The following PLEK variants were observed in gnomAD, a reference collection of about 807,000 sequenced individuals.
PLEK encodes platelet 47 kDa protein.
PLEK carries 25 observed loss-of-function variants against 43.9 expected under a neutral mutation model. The ratio of observed to expected loss-of-function variants is 0.57; its 90% CI spans 0.41 to 0.79. The LOEUF (loss-of-function observed/expected upper bound fraction) is 0.79. PLEK is among the 30% of genes least tolerant of loss of function. The probability of loss-of-function intolerance (pLI) is 0.00; values close to 1 mark genes in which losing one functional copy is unlikely to be tolerated. For missense variants in PLEK, 396 were observed against 413.3 expected (o/e 0.96, Z 0.36); for synonymous variants, 152 against 144.4 (o/e 1.05, Z -0.38).
Position 68,394,405 on chromosome 2 carries a change from C to T in PLEK, c.916+229C>T, listed in dbSNP as rs1056869394. Among the ~76,000 whole-genome samples, 16 of 152,158 alleles carry T rather than the reference C, an allele frequency of 1.1e-4. 1 individual carries two copies. The highest frequency in any genetic ancestry group is 4.4e-5 in the Non-Finnish European group (3 of 68,034). ...TGGCTAACGTGGTGAAACCCCATCT[C>T]TACTAAAAATACAAAAATTAGCTGG... On this transcript the variant is annotated intron_variant, in intron 8 of 8. Transcript: ENST00000234313.
At chr2:68,391,164 T>C (rs1205634439) in intron 6 of PLEK, among the ~76,000 whole-genome samples, 1 of 152,196 alleles carries the variant, frequency 6.6e-6, no homozygotes, top group Non-Finnish European at 1.5e-5. Context: ...TAGAAAATGC[T>C]CATTAAGTGA....
chr2:68,391,950 A>T (rs11895938), intron 6 of PLEK, among the ~76,000 whole-genome samples: 8 of 152,134 alleles, frequency 5.3e-5, no homozygotes, highest in Admixed American at 2.0e-4. Context: ...GGTAACTCAC[A>T]GCAAGTACAA....
At chr2:68,393,131 T>C (rs766186560) in intron 6 of PLEK, 31 bp from the exon 7 acceptor site, 75 of 1,290,554 alleles carry the variant, frequency 5.8e-5, no homozygotes, top group Non-Finnish European at 2.6e-5. Flanking sequence ...GAATTCACCA[T>C]CCCTTCTTTT....
chr2:68,381,101 G>A (rs878966970), intron 3 of PLEK, among the ~76,000 whole-genome samples, 197 bp downstream of exon 3: 5 of 151,424 alleles, frequency 3.3e-5, no homozygotes, highest in South Asian at 2.1e-4. Flanking sequence ...GAGAGGAGGC[G>A]AATGGAGTAC....
Position 68,380,492 on chromosome 2 carries a change from A to C in PLEK, c.198+9A>C. On this transcript the variant is annotated intron_variant, in intron 2 of 8. Transcript: ENST00000234313. ...ACTTTGGCAAAAGGATGGTAAGTTG[A>C]CATCATGAGCTGCCGTGAACCCCTG... 6.2e-7 allele frequency: 1 copy of C among 1,612,556 alleles called. No individual in the cohort carries two copies. The highest frequency in any genetic ancestry group is 1.1e-5 in the South Asian group (1 of 90,944).
rs1211019677 is a variant in PLEK, at chr2:68,382,632, A to G, written c.471A>G (p.Thr157=). The change falls in exon 4 of 9, where the codon ACA becomes ACG. Residue 157 remains threonine (T), a splice_region_variant and synonymous_variant. Transcript: ENST00000234313. ...AGAAGATTTTTAATCACTGCTTCACAGGTAAAAGCACTTGCAGGCCTGAAA... is the reference window on the plus strand; with the variant it reads ...AGAAGATTTTTAATCACTGCTTCACGGGTAAAAGCACTTGCAGGCCTGAAA... ...KDKKIFNHCF[T]GNCVIDWLVS... The G allele has an allele frequency of 6.4e-6, 10 of 1,563,610 alleles. No homozygotes were observed. The highest frequency in any genetic ancestry group is 7.9e-6 in the Non-Finnish European group (9 of 1,134,626).
In PLEK at chr2:68,382,664, G is replaced by T. The variant is rs778135181; in HGVS notation, c.472+31G>T. ...AGCACTTGCAGGCCTGAAATAGGGC[G>T]ACTGGGAAGGCGATATGGAGTCCTC... On this transcript the variant is annotated intron_variant, in intron 4 of 8. Coordinates refer to ENST00000234313, the MANE Select transcript of PLEK (RefSeq NM_002664.3). 63 of 1,241,398 alleles carry T rather than the reference G, an allele frequency of 5.1e-5. 1 individual carries two copies. Among genetic ancestry groups the T allele is most frequent in the Non-Finnish European group, 5.9e-6 (5 of 841,786 alleles). The allele number at this position is 1,241,398 out of a possible 1,614,324, so 76.9% of individuals were successfully genotyped here. A position where few individuals can be genotyped will look rare whatever the true frequency, so the allele number is the denominator to read the frequency against.
At chr2:68,378,869 C>A (rs1266036649) in intron 1 of PLEK, among the ~76,000 whole-genome samples, 7 of 152,138 alleles carry the variant, frequency 4.6e-5, no homozygotes, top group Non-Finnish European at 1.0e-4. Flanking sequence ...ATGGCTCACA[C>A]CTGTAATCCC....
At chr2:68,369,710 T>C (rs1226660541) in intron 1 of PLEK, among the ~76,000 whole-genome samples, 1 of 152,210 alleles carries the variant, frequency 6.6e-6, no homozygotes, top group East Asian at 1.9e-4. Flanking sequence ...CTTTGTTACC[T>C]TCATTTTACA....
chr2:68,377,489 T>C (rs572741472), intron 1 of PLEK, among the ~76,000 whole-genome samples: 11 of 152,348 alleles, frequency 7.2e-5, no homozygotes, highest in African/African-American at 2.4e-4. Context: ...GTTATCTCAT[T>C]GTAGTTTTGA....
chr2:68,381,197 A>C (rs544010543), intron 3 of PLEK, among the ~76,000 whole-genome samples: 2 of 152,174 alleles, frequency 1.3e-5, no homozygotes, highest in African/African-American at 2.4e-5. Context: ...TAGCCATAAT[A>C]AGTCAGTCTT....
rs1449699488 is a variant in PLEK at position 68,388,403 on chromosome 2, T to A, written c.674T>A (p.Phe225Tyr). Residue 225 changes from phenylalanine to tyrosine, a missense_variant, in exon 6 of 9, where the codon TTC (phenylalanine) becomes TAC (tyrosine). Physicochemically the swap from Phe to Tyr is conservative, Grantham distance 22. Transcript: ENST00000234313. ...AFYYFPDSGF[F>Y]CEENSSDDDV... ...TTCCAACAGCCAGACAGTGGGTTCT[T>A]CTGTGAAGAGAATTCCAGTGATGAT... The A allele has an allele frequency of 4.4e-6, 7 of 1,607,678 alleles. No individual in the cohort carries two copies. The South Asian group carries it at 7.7e-5, about 18-fold the overall frequency.
intron 1 of PLEK, among the ~76,000 whole-genome samples, chr2:68,370,832 G>T (rs1673386335): frequency 6.6e-6 from 1 of 152,094 alleles, no homozygotes; most frequent in South Asian, 2.1e-4. Context: ...GAAAGCATAG[G>T]AGCCATTCTA....
rs577514623 is a variant in PLEK at position 68,388,282 on chromosome 2, G to T, written c.658-105G>T. 5.7e-6 allele frequency: 4 copies of T among 702,478 alleles called. No homozygotes were observed. The East Asian group carries it at 7.6e-5, about 13-fold the overall frequency. 43.5% of individuals were successfully genotyped at this position (702,478 alleles called of 1,614,324 possible). On this transcript the variant is annotated intron_variant, in intron 5 of 8. Transcript: ENST00000234313. The stretch of plus-strand genomic sequence containing the variant: ...GATGTACACAGGAATGGAGGAAAAA[G>T]GAGGAGGCTGCCCTCATGGCTGGAG...
chr2:68,381,047 G>A (rs1308359653), intron 3 of PLEK, 143 bp downstream of exon 3: 2 of 720,616 alleles, frequency 2.8e-6, no homozygotes, highest in Admixed American at 2.6e-5. Context: ...GTACTAAAAT[G>A]TTTACCTGGG....
intron 4 of PLEK, among the ~76,000 whole-genome samples, chr2:68,385,109 C>A (rs1442509652): frequency 6.6e-6 from 1 of 152,200 alleles, no homozygotes; most frequent in Admixed American, 6.5e-5. Context: ...AAGGAACACA[C>A]TGCTTTTTAT....
At chr2:68,384,459 A>T (rs1204295176) in intron 4 of PLEK, among the ~76,000 whole-genome samples, 2 of 152,108 alleles carry the variant, frequency 1.3e-5, no homozygotes, top group African/African-American at 4.8e-5. Context: ...TTCCAACCTC[A>T]GGTGATCTGC....
At position 68,372,639 on chromosome 2, in the gene PLEK, A is replaced by T. The variant is rs144702122; in HGVS notation, c.42+7246A>T. Reference sequence around the variant, plus strand: ...TCTGACTCAGCATCCCATTGTGGACATGTACAGGTTTTGGCATATAATGGG... The same window carrying T: ...TCTGACTCAGCATCCCATTGTGGACTTGTACAGGTTTTGGCATATAATGGG... On this transcript the variant is annotated intron_variant, in intron 1 of 8. Transcript: ENST00000234313. Among the ~76,000 whole-genome samples, 103 of 152,310 alleles carry T rather than the reference A, an allele frequency of 6.8e-4. 1 individual carries two copies. In the East Asian group the frequency reaches 0.015, roughly 22 times the overall value.
chr2:68,388,242 TG>T (rs1673786809), intron 5 of PLEK, 144 bp from the exon 6 acceptor site: 1 of 579,322 alleles, frequency 1.7e-6, no homozygotes, highest in Non-Finnish European at 3.2e-6. Context: ...CAAGGACCTT[TG>T]AAGTTCAGAT....
Sources: gnomAD v4.1 joint callset for allele counts (sites outside exome capture counted in the v4.1 genomes callset) on GRCh38, gnomAD v4.1.1 for gene constraint, MANE v1.5 for transcripts, NCBI Gene and HGNC (gene_info 2026-07-23, HGNC 2026-07-21) for gene names.